The following CLPX variants were observed in gnomAD, a reference collection of about 807,000 sequenced individuals.
CLPX encodes the protein ATP-dependent clpX-like chaperone, mitochondrial.
In CLPX, 34 loss-of-function variants were observed where a neutral mutation model predicts 76.4. The observed-to-expected ratio is 0.45, with a 90% confidence interval of 0.34 to 0.59. The LOEUF is 0.59. CLPX is among the 20% of genes least tolerant of loss of function. The pLI, the probability that CLPX is intolerant of heterozygous loss-of-function variation, is 0.01. For missense variants in CLPX, 613 were observed against 757.0 expected (o/e 0.81, Z 2.23); for synonymous variants, 248 against 270.9 (o/e 0.92, Z 0.83).
At chr15:65,167,589 G>C (rs2087933150) in intron 3 of CLPX, among the ~76,000 whole-genome samples, 1 of 151,850 alleles carries the variant, frequency 6.6e-6, no homozygotes, top group African/African-American at 2.4e-5. Flanking sequence ...AAACCCATGA[G>C]CATTTTTCGG....
chr15:65,185,221 C>CCG lies in CLPX; in HGVS notation c.-70_-69dup. The CCG allele has an allele frequency of 2.2e-6, 3 of 1,343,858 alleles. No homozygotes were observed. Among genetic ancestry groups the CCG allele is most frequent in the Non-Finnish European group, 3.1e-6 (3 of 967,024 alleles). The allele number at this position is 1,343,858 out of a possible 1,614,324, so 83.2% of individuals were successfully genotyped here. A position where few individuals can be genotyped will look rare whatever the true frequency, so the allele number is the denominator to read the frequency against. The stretch of plus-strand genomic sequence containing the variant: ...CGGGTCACAGCGGCGTGAATCCTGC[C>CCG]CGCAAGGCGCGCTGACTCGGTTCCG... On this transcript the variant is annotated 5_prime_UTR_variant, in exon 1 of 14. Coordinates refer to ENST00000300107, the MANE Select transcript of CLPX (RefSeq NM_006660.5).
chr15:65,160,619 T>TCACACACACACA, intron 6 of CLPX, among the ~76,000 whole-genome samples: 1 of 132,652 alleles, frequency 7.5e-6, no homozygotes, highest in African/African-American at 3.2e-5. Flanking sequence ...TCTCTCTCTC[T>TCACACACACACA]CTCTCACACA....
intron 6 of CLPX, among the ~76,000 whole-genome samples, chr15:65,161,372 C>T (rs1033221746): frequency 2.6e-5 from 4 of 152,118 alleles, no homozygotes; most frequent in African/African-American, 9.7e-5. Flanking sequence ...AAACCCTAGA[C>T]CAGTGTTAGG....
In CLPX at chr15:65,163,199, G is replaced by A. The variant is rs189574385; in HGVS notation, c.674-554C>T. 5.9e-5 allele frequency among the ~76,000 whole-genome samples: 9 copies of A among 152,172 alleles called. No homozygotes were observed. In the East Asian group the frequency reaches 1.7e-3, roughly 29 times the overall value. On this transcript the variant is annotated intron_variant, in intron 5 of 13. Coordinates refer to ENST00000300107, the MANE Select transcript of CLPX (RefSeq NM_006660.5). ...GTCGCAATCCAGCCTGGGTGACAGA[G>A]AGAGACCTTGTCTTGAAAAAAAGAA...
intron 1 of CLPX, among the ~76,000 whole-genome samples, chr15:65,183,493 AAGAC>A (rs1252067632): frequency 6.0e-5 from 9 of 149,594 alleles, no homozygotes; most frequent in East Asian, 1.9e-4. Context: ...GAAAGAAAAT[AAGAC>A]AGACAGAAAG....
intron 5 of CLPX, 96 bp from the exon 6 acceptor site, chr15:65,162,741 G>T: frequency 1.5e-6 from 1 of 677,146 alleles, no homozygotes. Flanking sequence ...ATATTTAAAG[G>T]ATTTGTTCAT....
At chr15:65,152,357 CA>C (rs753952334) in intron 13 of CLPX, 72 bp downstream of exon 13, 90 of 580,620 alleles carry the variant, frequency 1.6e-4, no homozygotes, top group Non-Finnish European at 2.4e-4. Context: ...TTTAAAATGA[CA>C]AACCAATAAA....
At chr15:65,152,397 T>G (rs749641519) in intron 13 of CLPX, 33 bp downstream of exon 13, 46 of 1,057,198 alleles carry the variant, frequency 4.4e-5, no homozygotes, top group Non-Finnish European at 6.0e-5. Flanking sequence ...ATCTTAAATT[T>G]TGTATCTGTT....
At position 65,162,598 on chromosome 15, in the gene CLPX, A is replaced by C; in HGVS notation, c.715+6T>G. The C allele has an allele frequency of 6.3e-7, 1 of 1,576,700 alleles. No homozygotes were observed. The highest frequency in any genetic ancestry group is 2.2e-5 in the East Asian group (1 of 44,488). ...TGATTACAGAGGAGGACCTGAAGTC[A>C]CTTACTTGTAAATCTGTACTCATCC... On this transcript the variant is annotated splice_donor_region_variant and intron_variant, in intron 6 of 13. Coordinates refer to ENST00000300107, the MANE Select transcript of CLPX (RefSeq NM_006660.5).
Position 65,164,151 on chromosome 15 carries a change from G to A in CLPX, c.551C>T (p.Ser184Leu). 1 of 1,612,286 alleles carries A rather than the reference G, an allele frequency of 6.2e-7. No individual in the cohort carries two copies. Among genetic ancestry groups the A allele is most frequent in the Non-Finnish European group, 8.5e-7 (1 of 1,179,096 alleles). The stretch of plus-strand genomic sequence containing the variant: ...AACTGAAAGCACCTTCTTAGCAAAT[G>A]ACTGGCCAACAACATACTTGTCGAG... ...NYLDKYVVGQSFAKKVLSVAV... is the reference protein window; with the variant it reads ...NYLDKYVVGQLFAKKVLSVAV... Residue 184 changes from serine to leucine, a missense_variant, in exon 5 of 14, where the codon TCA becomes TTA. Around this residue, in one of 2 missense-constraint regions of CLPX, gnomAD observed 450 missense variants for 638.6 expected, o/e 0.70. Coordinates refer to ENST00000300107, the MANE Select transcript of CLPX (RefSeq NM_006660.5).
intron 4 of CLPX, among the ~76,000 whole-genome samples, chr15:65,164,473 G>T (rs1467442821): frequency 6.6e-6 from 1 of 151,952 alleles, no homozygotes; most frequent in Non-Finnish European, 1.5e-5. Flanking sequence ...TTTATTTTTT[G>T]ATAACAAATT....
rs2140609216 is a variant in CLPX at position 65,152,505 on chromosome 15, A to G, written c.1736T>C (p.Val579Ala). ...CACACATACGATATCAGAATTAGGGACTTCAAACATTGGTTCTAGTAACAG... is the reference window on the plus strand; with the variant it reads ...CACACATACGATATCAGAATTAGGGGCTTCAAACATTGGTTCTAGTAACAG... ...EKLLLEPMFE[V>A]PNSDIVCVEV... The change falls in exon 13 of 14, where the codon GTC (valine) becomes GCC (alanine). Residue 579 changes from valine to alanine, a missense_variant. By Grantham distance (64) the Val-to-Ala change is moderately conservative. This residue lies in a region of CLPX where 450 missense variants were observed against 638.6 expected (regional missense o/e 0.70). Coordinates refer to ENST00000300107, the MANE Select transcript of CLPX (RefSeq NM_006660.5). 6.5e-7 allele frequency: 1 copy of G among 1,538,166 alleles called. No individual in the cohort carries two copies. Among genetic ancestry groups the G allele is most frequent in the Non-Finnish European group, 8.7e-7 (1 of 1,143,184 alleles).
At chr15:65,181,266 CAT>C (rs1310656899) in intron 1 of CLPX, among the ~76,000 whole-genome samples, 1 of 151,800 alleles carries the variant, frequency 6.6e-6, no homozygotes, top group East Asian at 1.9e-4. Flanking sequence ...AAGGCAAAAT[CAT>C]AGAGTCAGTG....
chr15:65,153,989 G>A (rs2087756347), intron 11 of CLPX, among the ~76,000 whole-genome samples: 1 of 152,158 alleles, frequency 6.6e-6, no homozygotes, highest in Non-Finnish European at 1.5e-5. Context: ...AGCATTTATA[G>A]TCCAGTGTAT....
chr15:65,152,553 T>C lies in CLPX; in HGVS notation c.1705-17A>G. The C allele has an allele frequency of 7.2e-7, 1 of 1,387,498 alleles. No individual in the cohort carries two copies. Among genetic ancestry groups the C allele is most frequent in the East Asian group, 2.5e-5 (1 of 40,268 alleles). The allele number at this position is 1,387,498 out of a possible 1,614,324, so 85.9% of individuals were successfully genotyped here. ...CAGCTTTTCCTAAAGAAATAAAAAG[T>C]AATGAATCACATTGAAAACAGATTA... On this transcript the variant is annotated splice_polypyrimidine_tract_variant and intron_variant, in intron 12 of 13. Coordinates refer to ENST00000300107, the MANE Select transcript of CLPX (RefSeq NM_006660.5).
chr15:65,149,656 T>TA lies in CLPX; in HGVS notation c.*1166dup, dbSNP rs1329497654. On this transcript the variant is annotated 3_prime_UTR_variant, in exon 14 of 14. Transcript: ENST00000300107. Reference sequence around the variant, plus strand: ...GCCAGCAGATCACAAGGTCAGGAGTTACAGACTAGCCTGGCCAACAGGGTG... The same window carrying TA: ...GCCAGCAGATCACAAGGTCAGGAGTTAACAGACTAGCCTGGCCAACAGGGTG... 2 of 404,912 alleles carry TA rather than the reference T, an allele frequency of 4.9e-6. No homozygotes were observed. The highest frequency in any genetic ancestry group is 9.6e-6 in the Non-Finnish European group (2 of 208,556). 25.1% of individuals were successfully genotyped at this position (404,912 alleles called of 1,614,324 possible).
intron 13 of CLPX, among the ~76,000 whole-genome samples, chr15:65,151,249 G>A (rs2087715528): frequency 6.6e-6 from 1 of 150,806 alleles, no homozygotes; most frequent in Non-Finnish European, 1.5e-5. Context: ...GGAGGCTGAG[G>A]CAAGGGAATC....
chr15:65,179,128 T>C (rs1365002903), intron 2 of CLPX, 77 bp from the exon 3 acceptor site: 1 of 713,812 alleles, frequency 1.4e-6, no homozygotes, highest in Non-Finnish European at 2.4e-6. Context: ...TAAACAATAC[T>C]GTTTGTAATT....
In CLPX at chr15:65,185,154, C is replaced by G; in HGVS notation, c.-1G>C. 1 of 1,563,612 alleles carries G rather than the reference C, an allele frequency of 6.4e-7. No homozygotes were observed. Among genetic ancestry groups the G allele is most frequent in the Non-Finnish European group, 8.7e-7 (1 of 1,153,768 alleles). ...AAGTACAAGCACCGCAGCTGGGCAT[C>G]TCCGCGAGGCCTAGGCCGGGGCTTC... On this transcript the variant is annotated 5_prime_UTR_variant, in exon 1 of 14. Coordinates refer to ENST00000300107, the MANE Select transcript of CLPX (RefSeq NM_006660.5).
Sources: allele counts gnomAD v4.1 joint callset (sites outside exome capture counted in the v4.1 genomes callset), GRCh38; gene constraint gnomAD v4.1.1; regional missense constraint gnomAD v4.1.1; transcripts MANE v1.5; gene names NCBI Gene and HGNC (gene_info 2026-07-23, HGNC 2026-07-21).